CSTF2: variants seen among roughly 807,000 people sequenced by gnomAD.
CSTF2 encodes the protein CF-1 64 kDa subunit.
CSTF2 carries 8 observed loss-of-function variants against 45.4 expected under a neutral mutation model. The observed-to-expected ratio is 0.18, with a 90% CI of 0.10 to 0.32. The LOEUF is 0.32. CSTF2 is among the 10% of genes least tolerant of loss of function. The probability of loss-of-function intolerance (pLI) is 1.00; values close to 1 mark genes in which losing one functional copy is unlikely to be tolerated. For missense variants in CSTF2, 253 were observed against 477.1 expected (o/e 0.53, Z 4.38); for synonymous variants, 155 against 158.9 (o/e 0.98, Z 0.18).
chrX:100,837,144 C>T (rs368729265), intron 11 of CSTF2, among the ~76,000 whole-genome samples, 195 bp from the exon 12 acceptor site: 2 of 112,113 alleles, frequency 1.8e-5, no homozygotes, highest in African/African-American at 6.5e-5. Context: ...GCAAGTATGT[C>T]GAACTTGCTA....
intron 6 of CSTF2, 27 bp from the exon 7 acceptor site, chrX:100,826,607 C>T: frequency 8.3e-7 from 1 of 1,199,934 alleles, no homozygotes; most frequent in Non-Finnish European, 1.1e-6. Context: ...GAGGCATATA[C>T]ATACTCTGTT....
intron 11 of CSTF2, among the ~76,000 whole-genome samples, chrX:100,834,843 C>T (rs948476691): frequency 3.6e-5 from 4 of 111,725 alleles, no homozygotes; most frequent in Non-Finnish European, 7.5e-5. Context: ...CATAATTTTA[C>T]TGGTAGTTCT....
At chrX:100,837,309 A>G in intron 11 of CSTF2, 30 bp from the exon 12 acceptor site, 1 of 1,126,215 alleles carries the variant, frequency 8.9e-7, no homozygotes, top group Non-Finnish European at 1.2e-6. Context: ...AAAAATGCCA[A>G]AAATCTCTCT....
Position 100,820,484 on chromosome X carries a change from A to G in CSTF2, c.58+10A>G. 1 of 1,208,605 alleles carries G rather than the reference A, an allele frequency of 8.3e-7. No homozygotes were observed. Among genetic ancestry groups the G allele is most frequent in the Non-Finnish European group, 1.1e-6 (1 of 892,235 alleles). On this transcript the variant is annotated intron_variant, in intron 1 of 13. Transcript: ENST00000372972. Reference sequence around the variant, plus strand: ...CTACGTTCTGTGTTCGGTGAGAGGAATTCGTTGTAGTCAAGCTTCGGGGAG... The same window carrying G: ...CTACGTTCTGTGTTCGGTGAGAGGAGTTCGTTGTAGTCAAGCTTCGGGGAG...
At chrX:100,828,652 T>C (rs998465841) in intron 8 of CSTF2, among the ~76,000 whole-genome samples, 1 of 112,286 alleles carries the variant, frequency 8.9e-6, no homozygotes, top group Admixed American at 9.4e-5. Flanking sequence ...TGTACTGCTA[T>C]ATACAACAGT....
intron 7 of CSTF2, 21 bp from the exon 8 acceptor site, chrX:100,828,019 T>G: frequency 8.4e-7 from 1 of 1,195,632 alleles, no homozygotes; most frequent in Non-Finnish European, 1.1e-6. Context: ...TGTTTTTTCT[T>G]GTCTGCCCTT....
intron 13 of CSTF2, among the ~76,000 whole-genome samples, chrX:100,838,827 T>C (rs1015169719): frequency 5.4e-5 from 6 of 111,931 alleles, no homozygotes; most frequent in Admixed American, 1.9e-4. Context: ...TAGGGAATAT[T>C]TTGATGTTGA....
chrX:100,823,840 G>A lies in CSTF2; in HGVS notation c.445-46G>A, dbSNP rs746429578. The A allele has an allele frequency of 8.5e-6, 10 of 1,182,149 alleles. No individual in the cohort carries two copies. The Admixed American group carries it at 1.1e-4, about 13-fold the overall frequency. On this transcript the variant is annotated intron_variant, in intron 4 of 13. Transcript: ENST00000372972. ...GGGGAATGGCTCTAAATCACTATCAGTTTCTAAGTCATAAGTATTAAACCT... is the reference window on the plus strand; with the variant it reads ...GGGGAATGGCTCTAAATCACTATCAATTTCTAAGTCATAAGTATTAAACCT...
chrX:100,839,445 A>G (rs1233153450), intron 13 of CSTF2, among the ~76,000 whole-genome samples: 1 of 111,406 alleles, frequency 9.0e-6, no homozygotes, highest in Admixed American at 9.6e-5. Context: ...GCACAATTTA[A>G]ATTTCTACTT....
intron 11 of CSTF2, 106 bp downstream of exon 11, chrX:100,833,578 C>T: frequency 1.2e-6 from 1 of 804,117 alleles, no homozygotes. Flanking sequence ...TGTTTCTTAG[C>T]TTGTTAGAAA....
intron 4 of CSTF2, 136 bp from the exon 5 acceptor site, chrX:100,823,750 C>T: frequency 1.3e-6 from 1 of 787,578 alleles, no homozygotes; most frequent in Admixed American, 3.5e-5. Flanking sequence ...CTGCCATGAC[C>T]AAGGTTTTTT....
At position 100,833,303 on chromosome X, in the gene CSTF2, C is replaced by T. The variant is rs755237206; in HGVS notation, c.1331C>T (p.Ala444Val). 3 of 1,206,519 alleles carry T rather than the reference C, an allele frequency of 2.5e-6. No homozygotes were observed. Among genetic ancestry groups the T allele is most frequent in the African/African-American group, 3.5e-5 (2 of 56,368 alleles). Reference sequence around the variant, plus strand: ...GAGGCCCGTGCGATGGAAGCTCGTGCAATGGAGGCCCGAGCGATGGAGGCC... The same window carrying T: ...GAGGCCCGTGCGATGGAAGCTCGTGTAATGGAGGCCCGAGCGATGGAGGCC... Reference protein sequence around the residue: ...AMEARAMEARAMEARAMEARA... With the variant: ...AMEARAMEARVMEARAMEARA... The change falls in exon 11 of 14, where the codon GCA becomes GTA. Residue 444 changes from alanine (A) to valine (V), a missense_variant. Coordinates refer to ENST00000372972, the MANE Select transcript of CSTF2 (RefSeq NM_001325.3).
intron 8 of CSTF2, chrX:100,830,868 G>C (rs981692500): frequency 1.7e-6 from 2 of 1,150,015 alleles, no homozygotes; most frequent in African/African-American, 3.6e-5. Flanking sequence ...CGAGTTCAAG[G>C]TACCCATTGT....
rs2084979847 is a variant in CSTF2, at chrX:100,832,212, C to T, written c.1032-522C>T. On this transcript the variant is annotated intron_variant, in intron 9 of 13. Coordinates refer to ENST00000372972, the MANE Select transcript of CSTF2 (RefSeq NM_001325.3). ...AGCCTGGGCAACAAGAGTGAAACTC[C>T]ATTTCAAAAGTAAATAAATAAATAA... Among the ~76,000 whole-genome samples, 4 of 111,711 alleles carry T rather than the reference C, an allele frequency of 3.6e-5. No individual in the cohort carries two copies. The South Asian group carries it at 1.5e-3, about 42-fold the overall frequency.
chrX:100,832,517 A>G (rs7065410), intron 9 of CSTF2, among the ~76,000 whole-genome samples: 10,143 of 112,090 alleles, frequency 0.09, 1,146 homozygotes, highest in African/African-American at 0.31. Flanking sequence ...TATAATGAAT[A>G]TTCGTTGATT....
Position 100,821,670 on chromosome X carries a change from A to G in CSTF2, c.137+65A>G, listed in dbSNP as rs185503293. ...AATCACCACAGATTTGGCTCTTAGTAATAATGGCAGGTTTTCTTTACTGGT... is the reference window on the plus strand; with the variant it reads ...AATCACCACAGATTTGGCTCTTAGTGATAATGGCAGGTTTTCTTTACTGGT... On this transcript the variant is annotated intron_variant, in intron 2 of 13. Transcript: ENST00000372972. The G allele has an allele frequency of 4.4e-4, 359 of 818,503 alleles. No homozygotes were observed. In the African/African-American group the frequency reaches 6.4e-3, roughly 15 times the overall value. 67.5% of individuals were successfully genotyped at this position (818,503 alleles called of 1,213,427 possible).
Position 100,837,377 on chromosome X carries a change from T to C in CSTF2, c.1539T>C (p.Ser513=). ...VMQGTGMQGA[S]IQGGSQPGGF... ...AGGGAACAGGAATGCAAGGAGCAAG[T>C]ATACAGGGTGGAAGCCAGCCTGGCG... Residue 513 remains serine (S), a synonymous_variant, in exon 12 of 14, where the codon AGT becomes AGC. Transcript: ENST00000372972. 3.3e-6 allele frequency: 4 copies of C among 1,210,598 alleles called. No homozygotes were observed. Among genetic ancestry groups the C allele is most frequent in the Non-Finnish European group, 4.5e-6 (4 of 894,612 alleles).
At chrX:100,826,595 C>G in intron 6 of CSTF2, 39 bp from the exon 7 acceptor site, 1 of 1,193,999 alleles carries the variant, frequency 8.4e-7, no homozygotes, top group Non-Finnish European at 1.1e-6. Flanking sequence ...TGAGTATCCA[C>G]AGAGGCATAT....
intron 6 of CSTF2, among the ~76,000 whole-genome samples, chrX:100,825,816 A>AT (rs2084940985): frequency 9.0e-6 from 1 of 111,638 alleles, no homozygotes; most frequent in Non-Finnish European, 1.9e-5. Context: ...AGAAAAAAAA[A>AT]GCTAAGGCCC....
Sources: allele counts gnomAD v4.1 joint callset (sites outside exome capture counted in the v4.1 genomes callset), GRCh38; gene constraint gnomAD v4.1.1; transcripts MANE v1.5; gene names NCBI Gene and HGNC (gene_info 2026-07-23, HGNC 2026-07-21).